The following SMARCC1 variants were observed in gnomAD, a reference collection of about 807,000 sequenced individuals.
SMARCC1 encodes SWI/SNF complex subunit SMARCC1.
A neutral mutation model predicts 147.4 loss-of-function variants in SMARCC1; 43 were observed. The observed-to-expected ratio is 0.29, with a 90% CI of 0.23 to 0.38. The LOEUF is 0.38. Among genes scored for constraint, SMARCC1 ranks in the 10% least tolerant of loss-of-function variants. SMARCC1 has a pLI of 1.00. For synonymous variants in SMARCC1, 495 were observed against 484.4 expected, an observed-to-expected ratio of 1.02 and a Z score of -0.29; for missense variants, 1,119 against 1,381.1, an observed-to-expected ratio of 0.81 and a Z score of 3.01.
At chr3:47,610,577 C>T (rs1223201749) in intron 25 of SMARCC1, 1 of 517,850 alleles carries the variant, frequency 1.9e-6, no homozygotes, top group Non-Finnish European at 3.5e-6. Flanking sequence ...GCAATCTTCC[C>T]GCAGTAGGGC....
intron 11 of SMARCC1, among the ~76,000 whole-genome samples, chr3:47,696,088 G>T (rs1156688767): frequency 7.2e-5 from 10 of 138,188 alleles, no homozygotes; most frequent in Admixed American, 5.8e-4. Context: ...GGGGGGGGGG[G>T]GGCCAGGCGA....
chr3:47,698,110 T>TA (rs886312466), intron 11 of SMARCC1, among the ~76,000 whole-genome samples: 177 of 134,968 alleles, frequency 1.3e-3, no homozygotes, highest in Admixed American at 6.1e-3. Context: ...GCCAACACAT[T>TA]AAAAAAAAAA....
intron 3 of SMARCC1, among the ~76,000 whole-genome samples, chr3:47,742,190 T>C (rs2034517107): frequency 6.6e-6 from 1 of 151,894 alleles, no homozygotes; most frequent in Admixed American, 6.6e-5. Context: ...ATCTGTATTA[T>C]TAGAAAGCAA....
chr3:47,664,736 T>G (rs1314475927), intron 19 of SMARCC1, among the ~76,000 whole-genome samples: 1 of 152,192 alleles, frequency 6.6e-6, no homozygotes, highest in Non-Finnish European at 1.5e-5. Flanking sequence ...ACTGGCAATG[T>G]CTGCAGACAT....
At chr3:47,606,270 G>A (rs1214068976) in intron 26 of SMARCC1, among the ~76,000 whole-genome samples, 1 of 152,186 alleles carries the variant, frequency 6.6e-6, no homozygotes. Flanking sequence ...TAGAATAGCT[G>A]TATCTGAATC....
chr3:47,636,128 A>G lies in SMARCC1; in HGVS notation c.2385T>C (p.Asn795=). 2.5e-6 allele frequency: 4 copies of G among 1,587,270 alleles called. No individual in the cohort carries two copies. Among genetic ancestry groups the G allele is most frequent in the Non-Finnish European group, 3.5e-6 (4 of 1,159,066 alleles). ...CTTCATCCGTTTCATTTTCCACTTTATTTTCTGCCTGAAAGGGATATAAAA... is the reference window on the plus strand; with the variant it reads ...CTTCATCCGTTTCATTTTCCACTTTGTTTTCTGCCTGAAAGGGATATAAAA... ...PDGQQPEKAE[N]KVENETDEGD... Residue 795 remains asparagine (N), a synonymous_variant, in exon 23 of 28, where the codon AAT becomes AAC. Transcript: ENST00000254480.
At chr3:47,638,303 C>T (rs1204317849) in intron 22 of SMARCC1, among the ~76,000 whole-genome samples, 1 of 152,170 alleles carries the variant, frequency 6.6e-6, no homozygotes, top group Non-Finnish European at 1.5e-5. Flanking sequence ...CCATGTTAGC[C>T]AGGACGGTCT....
intron 18 of SMARCC1, among the ~76,000 whole-genome samples, chr3:47,671,190 A>AAAAAAAAAAAC (rs1559640688): frequency 1.4e-5 from 2 of 145,234 alleles, no homozygotes; most frequent in Admixed American, 1.4e-4. Context: ...AAAAAAAAAA[A>AAAAAAAAAAAC]AAAAAAAACA....
chr3:47,680,380 G>T, intron 15 of SMARCC1, 57 bp downstream of exon 15: 4 of 1,168,654 alleles, frequency 3.4e-6, no homozygotes, highest in Non-Finnish European at 5.1e-6. Flanking sequence ...GTGGATGCTT[G>T]AAGAGCCCCT....
At chr3:47,621,421 G>C (rs569517771) in intron 25 of SMARCC1, among the ~76,000 whole-genome samples, 1 of 152,096 alleles carries the variant, frequency 6.6e-6, no homozygotes, top group African/African-American at 2.4e-5. Flanking sequence ...CCCATCAATA[G>C]TGGACTGGAT....
chr3:47,726,061 C>CAAAAAAAAAAA lies in SMARCC1; in HGVS notation c.646+2953_646+2963dup, dbSNP rs546659321. 4.1e-3 allele frequency among the ~76,000 whole-genome samples: 207 copies of CAAAAAAAAAAA among 50,772 alleles called. 28 individuals are homozygous for CAAAAAAAAAAA. The highest frequency in any genetic ancestry group is 0.01 in the African/African-American group (133 of 12,948). The allele number at this position is 50,772 out of a possible 152,430, so 33.3% of individuals were successfully genotyped here. ...TGGGTAGAAGAGTGAGACTCTGTCT[C>CAAAAAAAAAAA]AAAAAAAAAAAAAAAAAAAAGGTGA... On this transcript the variant is annotated intron_variant, in intron 6 of 27. Transcript: ENST00000254480.
intron 26 of SMARCC1, among the ~76,000 whole-genome samples, chr3:47,607,157 G>T (rs1186223606): frequency 3.3e-5 from 5 of 152,144 alleles, no homozygotes; most frequent in Admixed American, 2.0e-4. Context: ...CAAGTAGACA[G>T]AAATAAGACT....
rs11714724 is a variant in SMARCC1 at position 47,705,344 on chromosome 3, C to A, written c.1040+1065G>T. Among the ~76,000 whole-genome samples, 43 of 141,798 alleles carry A rather than the reference C, an allele frequency of 3.0e-4. 1 individual carries two copies. The highest frequency in any genetic ancestry group is 3.3e-4 in the Non-Finnish European group (22 of 66,266). 93.0% of individuals were successfully genotyped at this position (141,798 alleles called of 152,430 possible). A position where few individuals can be genotyped will look rare whatever the true frequency, so the allele number is the denominator to read the frequency against. On this transcript the variant is annotated intron_variant, in intron 10 of 27. Transcript: ENST00000254480. Reference sequence around the variant, plus strand: ...GTCTCAAAAAAAAAAAAAAAAAAAACGAACTATAAAAAATAGTTACCCCAT... The same window carrying A: ...GTCTCAAAAAAAAAAAAAAAAAAAAAGAACTATAAAAAATAGTTACCCCAT...
chr3:47,594,338 G>A lies in SMARCC1; in HGVS notation c.3044-3501C>T, dbSNP rs1193741761. 3.3e-5 allele frequency among the ~76,000 whole-genome samples: 5 copies of A among 152,174 alleles called. No individual in the cohort carries two copies. In the East Asian group the frequency reaches 9.6e-4, roughly 29 times the overall value. Reference sequence around the variant, plus strand: ...CCTAGCAGAGGAGTCTCAGAGATCCGCTTGCTGGAAAATAACTTGGTCAAA... The same window carrying A: ...CCTAGCAGAGGAGTCTCAGAGATCCACTTGCTGGAAAATAACTTGGTCAAA... On this transcript the variant is annotated intron_variant, in intron 26 of 27. Coordinates refer to ENST00000254480, the MANE Select transcript of SMARCC1 (RefSeq NM_003074.4).
chr3:47,752,140 G>T (rs1366407360), intron 2 of SMARCC1, among the ~76,000 whole-genome samples: 1 of 152,094 alleles, frequency 6.6e-6, no homozygotes, highest in Non-Finnish European at 1.5e-5. Context: ...AAATGGTACT[G>T]GCAGGGGCAA....
chr3:47,638,781 C>T lies in SMARCC1; in HGVS notation c.2321-1G>A. ...TCCATTTTTTCCTCTTCAGCTCCTT[C>T]TACAAGTAAAAGAATAAGAACAAGT... is the stretch of plus-strand genomic sequence containing the variant. On this transcript the variant is annotated splice_acceptor_variant, in intron 21 of 27. Coordinates refer to ENST00000254480, the MANE Select transcript of SMARCC1 (RefSeq NM_003074.4). LOFTEE classifies it high-confidence loss of function. 1 of 1,609,262 alleles carries T rather than the reference C, an allele frequency of 6.2e-7. No homozygotes were observed. The highest frequency in any genetic ancestry group is 1.1e-5 in the South Asian group (1 of 90,986).
At chr3:47,674,981 T>C (rs1281543967) in intron 18 of SMARCC1, among the ~76,000 whole-genome samples, 2 of 152,114 alleles carry the variant, frequency 1.3e-5, no homozygotes, top group Non-Finnish European at 2.9e-5. Flanking sequence ...GTGATCCTCC[T>C]GCCTTGGCCT....
chr3:47,636,769 A>T (rs2032974142), intron 22 of SMARCC1, among the ~76,000 whole-genome samples: 1 of 143,922 alleles, frequency 6.9e-6, no homozygotes, highest in Non-Finnish European at 1.5e-5. Context: ...AACAACAACA[A>T]CCACAACAAA....
intron 27 of SMARCC1, among the ~76,000 whole-genome samples, chr3:47,590,003 A>C (rs955160801): frequency 2.0e-5 from 3 of 152,226 alleles, no homozygotes; most frequent in African/African-American, 7.2e-5. Context: ...CTGGAGTAAA[A>C]GGCAGGCCAG....
Sources: allele counts gnomAD v4.1 joint callset (sites outside exome capture counted in the v4.1 genomes callset), GRCh38; gene constraint gnomAD v4.1.1; transcripts MANE v1.5; gene names NCBI Gene and HGNC (gene_info 2026-07-23, HGNC 2026-07-21).